Variants in MCM5 observed in about 807,000 individuals in gnomAD.
MCM5 encodes the protein minichromosome maintenance complex component 5.
Under a neutral mutation model 79.9 loss-of-function variants are expected in MCM5, and 46 were observed. That is an observed-to-expected ratio of 0.58 (90% CI 0.45 to 0.74). The LOEUF (loss-of-function observed/expected upper bound fraction) is 0.74. Ranked by LOEUF, MCM5 falls within the 30% of genes least tolerant of loss-of-function variation. The probability of loss-of-function intolerance (pLI) is 0.00; values close to 1 mark genes in which losing one functional copy is unlikely to be tolerated. For missense variants in MCM5, 883 were observed against 1,017.0 expected, an observed-to-expected ratio of 0.87 and a Z score of 1.79; for synonymous variants, 404 against 390.5, an observed-to-expected ratio of 1.03 and a Z score of -0.41.
intron 5 of MCM5, among the ~76,000 whole-genome samples, chr22:35,407,272 C>T (rs1932246478): frequency 1.3e-5 from 2 of 152,150 alleles, no homozygotes; most frequent in South Asian, 2.1e-4. Context: ...GCTGGTGCCT[C>T]CTCAGCTTCC....
intron 15 of MCM5, 156 bp from the exon 16 acceptor site, chr22:35,423,058 A>C (rs746348342): frequency 4.7e-6 from 3 of 643,772 alleles, no homozygotes; most frequent in African/African-American, 3.7e-5. Flanking sequence ...CTGTCTCCTC[A>C]ATCAGGCCTG....
At chr22:35,439,771 A>G in the MCM5 span, among the ~76,000 whole-genome samples, 1 of 152,322 alleles carries the variant, frequency 6.6e-6, no homozygotes, top group East Asian at 1.9e-4. Flanking sequence ...TAATTTTTCT[A>G]AACATCTCTG....
chr22:35,416,726 A>C lies in MCM5; in HGVS notation c.1502A>C (p.Glu501Ala), dbSNP rs1266293028. The change falls in exon 12 of 17, where the codon GAG (glutamate) becomes GCG (alanine). Residue 501 changes from glutamate to alanine, a missense_variant. Glu to Ala is a moderately radical substitution (Grantham distance 107). This residue lies in a region of MCM5 where 426 missense variants were observed against 482.3 expected (regional missense o/e 0.88). Coordinates refer to ENST00000216122, the MANE Select transcript of MCM5 (RefSeq NM_006739.4). ...VFGRWDETKG[E>A]DNIDFMPTIL... ...GGCCGCTGGGATGAGACGAAGGGGG[A>C]GGACAACATTGACTTCATGCCCACC... 1 of 1,613,948 alleles carries C rather than the reference A, an allele frequency of 6.2e-7. No individual in the cohort carries two copies. The highest frequency in any genetic ancestry group is 1.7e-5 in the Admixed American group (1 of 60,000).
rs2145782888 is a variant in MCM5 at position 35,403,556 on chromosome 22, C to T, written c.423+14C>T. 1.2e-6 allele frequency: 2 copies of T among 1,611,294 alleles called. No homozygotes were observed. The highest frequency in any genetic ancestry group is 2.2e-5 in the South Asian group (2 of 91,078). On this transcript the variant is annotated intron_variant, in intron 4 of 16. Transcript: ENST00000216122. ...CGTAGCCTGAAGGTGGGTCGGAGGG[C>T]AGTGGCTGCTGCATGGTGCAGAGGG... is the stretch of plus-strand genomic sequence containing the variant.
the MCM5 span, among the ~76,000 whole-genome samples, chr22:35,434,639 C>G: frequency 6.6e-6 from 1 of 152,218 alleles, no homozygotes; most frequent in Non-Finnish European, 1.5e-5. Flanking sequence ...CACAGCCTGT[C>G]TGACAACACC....
chr22:35,421,624 T>C (rs1932698759), intron 15 of MCM5, 164 bp downstream of exon 15: 1 of 875,662 alleles, frequency 1.1e-6, no homozygotes, highest in African/African-American at 1.7e-5. Flanking sequence ...CTCTCCTCCT[T>C]TCTCCCCACC....
At chr22:35,444,466 G>A in the MCM5 span, among the ~76,000 whole-genome samples, 1 of 152,188 alleles carries the variant, frequency 6.6e-6, no homozygotes, top group Admixed American at 6.5e-5. Context: ...AGCAGGGCAG[G>A]GAACCCCATC....
chr22:35,442,742 A>G, the MCM5 span, among the ~76,000 whole-genome samples: 3 of 152,214 alleles, frequency 2.0e-5, no homozygotes, highest in African/African-American at 7.2e-5. Context: ...TAATCTCCCC[A>G]TCTTAATTTG....
chr22:35,433,287 C>G, the MCM5 span, among the ~76,000 whole-genome samples: 1 of 152,142 alleles, frequency 6.6e-6, no homozygotes, highest in Non-Finnish European at 1.5e-5. Context: ...CCCAGAGGAT[C>G]CAGGCAGTAT....
chr22:35,450,151 C>A, the MCM5 span, among the ~76,000 whole-genome samples: 1 of 152,102 alleles, frequency 6.6e-6, no homozygotes, highest in Non-Finnish European at 1.5e-5. Flanking sequence ...TTGTTCTCAT[C>A]AACAGAATGG....
chr22:35,420,515 A>G (rs1435322587), intron 14 of MCM5, among the ~76,000 whole-genome samples: 1 of 152,264 alleles, frequency 6.6e-6, no homozygotes, highest in Non-Finnish European at 1.5e-5. Context: ...TGGTAAATCC[A>G]GATAAAGTAG....
the MCM5 span, among the ~76,000 whole-genome samples, chr22:35,449,816 C>G: frequency 1.3e-5 from 2 of 152,186 alleles, no homozygotes; most frequent in East Asian, 3.9e-4. Flanking sequence ...GGGTCTCACT[C>G]TGTCTCCCAG....
In MCM5 at chr22:35,413,148, T is replaced by C. The variant is rs926512513; in HGVS notation, c.1091+467T>C. Among the ~76,000 whole-genome samples the C allele has an allele frequency of 2.6e-5, 4 of 152,174 alleles. No homozygotes were observed. In the South Asian group the frequency reaches 6.2e-4, roughly 24 times the overall value. Reference sequence around the variant, plus strand: ...AGCTCCGCCTCTTGGGTTCACACCATTCTCCTGCCTCAGCCTCCCGAGTAG... The same window carrying C: ...AGCTCCGCCTCTTGGGTTCACACCACTCTCCTGCCTCAGCCTCCCGAGTAG... On this transcript the variant is annotated intron_variant, in intron 8 of 16. Coordinates refer to ENST00000216122, the MANE Select transcript of MCM5 (RefSeq NM_006739.4).
intron 15 of MCM5, chr22:35,422,511 G>A (rs1932722851): frequency 6.6e-6 from 1 of 152,360 alleles, no homozygotes; most frequent in East Asian, 1.9e-4. Flanking sequence ...GTCCCCCTTG[G>A]TGAAGACTCA....
chr22:35,419,870 C>G lies in MCM5; in HGVS notation c.1704-14C>G. ...CTCCTGGCCTCACACCAGCCTCTCC[C>G]CACTGTCCTGCAGGAAGTGTGGCCC... On this transcript the variant is annotated splice_polypyrimidine_tract_variant and intron_variant, in intron 13 of 16. Transcript: ENST00000216122. 6.2e-7 allele frequency: 1 copy of G among 1,603,874 alleles called. No homozygotes were observed. The highest frequency in any genetic ancestry group is 1.1e-5 in the South Asian group (1 of 89,598).
chr22:35,403,122 T>G, intron 2 of MCM5, 85 bp from the exon 3 acceptor site: 3 of 1,535,398 alleles, frequency 2.0e-6, no homozygotes, highest in Non-Finnish European at 2.7e-6. Context: ...GTGGGCAGAT[T>G]CAGGGGTGCA....
chr22:35,400,394 G>A, intron 1 of MCM5, 37 bp from the exon 2 acceptor site: 2 of 1,612,606 alleles, frequency 1.2e-6, no homozygotes, highest in South Asian at 1.1e-5. Context: ...GCCAGGCGCT[G>A]CCCCCAGCCT....
chr22:35,443,585 A>C, the MCM5 span, among the ~76,000 whole-genome samples: 1 of 152,180 alleles, frequency 6.6e-6, no homozygotes, highest in African/African-American at 2.4e-5. Flanking sequence ...TTCCTGCCTG[A>C]ACCTGCTCAC....
chr22:35,412,831 C>A, intron 8 of MCM5, 150 bp downstream of exon 8: 2 of 659,180 alleles, frequency 3.0e-6, no homozygotes, highest in Non-Finnish European at 4.4e-6. Flanking sequence ...CCCAAGCTTG[C>A]CATCAGCTGG....
Sources: gnomAD v4.1 joint callset for allele counts (sites outside exome capture counted in the v4.1 genomes callset) on GRCh38, gnomAD v4.1.1 for gene constraint, gnomAD v4.1.1 regional missense constraint, MANE v1.5 for transcripts, NCBI Gene and HGNC (gene_info 2026-07-23, HGNC 2026-07-21) for gene names.